The following ZNF710 variants were observed in gnomAD, a reference collection of about 807,000 sequenced individuals.
The protein encoded by ZNF710 is zinc finger protein 710.
In ZNF710, 13 loss-of-function variants were observed where a neutral mutation model predicts 50.6. The ratio of observed to expected loss-of-function variants is 0.26; its 90% CI spans 0.17 to 0.41. The LOEUF is 0.41. Among genes scored for constraint, ZNF710 ranks in the 10% least tolerant of loss-of-function variants. The probability of loss-of-function intolerance (pLI) is 1.00; values close to 1 mark genes in which losing one functional copy is unlikely to be tolerated. For missense variants in ZNF710, 721 were observed against 936.6 expected, an observed-to-expected ratio of 0.77 and a Z score of 3.01; for synonymous variants, 383 against 397.0, an observed-to-expected ratio of 0.96 and a Z score of 0.42.
intron 3 of ZNF710, 58 bp from the exon 4 acceptor site, chr15:90,074,058 G>A (rs1900499151): frequency 1.3e-6 from 2 of 1,558,240 alleles, no homozygotes; most frequent in South Asian, 1.2e-5. Flanking sequence ...GGAGTGGGCT[G>A]GGGTCCGGGG....
chr15:90,000,505 G>C (rs969932909), upstream of ZNF710, among the ~76,000 whole-genome samples: 1 of 152,042 alleles, frequency 6.6e-6, no homozygotes, highest in Non-Finnish European at 1.5e-5. Context: ...CCTGGGCTCG[G>C]GGACCCCGCC....
At chr15:90,030,937 T>C (rs1898923647) in intron 1 of ZNF710, among the ~76,000 whole-genome samples, 1 of 143,600 alleles carries the variant, frequency 7.0e-6, no homozygotes, top group South Asian at 2.2e-4. Flanking sequence ...GAGAATGGCG[T>C]GAACCCGGGA....
intron 4 of ZNF710, among the ~76,000 whole-genome samples, chr15:90,077,683 A>G (rs1470889619): frequency 2.0e-5 from 3 of 152,232 alleles, no homozygotes; most frequent in South Asian, 2.1e-4. Context: ...GAAGACTCAC[A>G]GTGGGTTAGA....
rs375360691 is a variant in ZNF710, at chr15:90,067,671, G to A, written c.534G>A (p.Pro178=). The stretch of plus-strand genomic sequence containing the variant: ...CGCTCCGGCATCTGCCCCGAACCCC[G>A]AGGCCGGAGCTGAACGTGGCCCCAT... ...PRTLRHLPRT[P]RPELNVAPYD... is the part of the protein sequence containing the mutation. Residue 178 remains proline (P), a synonymous_variant, in exon 2 of 5, where the codon CCG becomes CCA. Transcript: ENST00000268154. This position sits in a 1 kb window ranked among gnomAD's most constrained non-coding sequence, Gnocchi z 8.1. 58 of 1,612,828 alleles carry A rather than the reference G, an allele frequency of 3.6e-5. 2 individuals are homozygous for A. The highest frequency in any genetic ancestry group is 6.7e-5 in the East Asian group (3 of 44,876).
chr15:90,059,788 C>T lies in ZNF710; in HGVS notation c.-28-7322C>T, dbSNP rs1395853749. ...ATGTGAGTAGAGTTTCCCTTGAAGC[C>T]TCCTGCGAGGAGGACAACAGGGGAA... On this transcript the variant is annotated intron_variant, in intron 1 of 4. Transcript: ENST00000268154. This position sits in a 1 kb window ranked among gnomAD's most constrained non-coding sequence, Gnocchi z 4.1. 8.5e-5 allele frequency among the ~76,000 whole-genome samples: 13 copies of T among 152,208 alleles called. No individual in the cohort carries two copies. The highest frequency in any genetic ancestry group is 7.2e-4 in the Admixed American group (11 of 15,290).
chr15:90,033,358 A>C (rs1899003984), intron 1 of ZNF710, among the ~76,000 whole-genome samples: 1 of 152,170 alleles, frequency 6.6e-6, no homozygotes, highest in African/African-American at 2.4e-5. Context: ...AAAGGTGGGG[A>C]AAGTTTGCAG....
intron 1 of ZNF710, among the ~76,000 whole-genome samples, chr15:90,011,753 TTTC>T (rs767489024): frequency 2.4e-4 from 37 of 152,344 alleles, no homozygotes; most frequent in South Asian, 6.2e-4. Flanking sequence ...TATTCTTTTT[TTTC>T]TTCTTCTTCT....
rs181467479 is a variant in ZNF710 at position 90,071,801 on chromosome 15, C to T, written c.1459-1270C>T. ...TTAAGCAATTCTACTGCCTCAGCCT[C>T]CTGAGTAGCTGGGATTACAGGCGCA... On this transcript the variant is annotated intron_variant, in intron 2 of 4. Transcript: ENST00000268154. Among the ~76,000 whole-genome samples, 99 of 151,700 alleles carry T rather than the reference C, an allele frequency of 6.5e-4. 2 individuals carry two copies. In the East Asian group the frequency reaches 0.015, roughly 22 times the overall value.
intron 1 of ZNF710, among the ~76,000 whole-genome samples, chr15:90,061,659 G>T (rs570272049): frequency 1.3e-5 from 2 of 152,090 alleles, no homozygotes; most frequent in African/African-American, 4.8e-5. Context: ...GATCCCACCC[G>T]ACCCTCCTCT....
intron 1 of ZNF710, among the ~76,000 whole-genome samples, chr15:90,017,236 G>A (rs1898481077): frequency 6.6e-6 from 1 of 152,188 alleles, no homozygotes. Flanking sequence ...ATTAAAGGGA[G>A]GGAGAGGTGC....
chr15:90,060,493 G>A (rs1484349731), intron 1 of ZNF710, among the ~76,000 whole-genome samples: 1 of 152,072 alleles, frequency 6.6e-6, no homozygotes, highest in Non-Finnish European at 1.5e-5. Context: ...GTTTGAGGCT[G>A]CAGTGAGCTA....
chr15:90,033,811 C>A (rs1448678502), intron 1 of ZNF710, among the ~76,000 whole-genome samples: 3 of 152,198 alleles, frequency 2.0e-5, no homozygotes, highest in Non-Finnish European at 4.4e-5. Flanking sequence ...TAAGAGATGG[C>A]CTTCTGAGTC....
At chr15:90,048,944 G>C (rs1380729423) in intron 1 of ZNF710, among the ~76,000 whole-genome samples, 1 of 152,164 alleles carries the variant, frequency 6.6e-6, no homozygotes, top group Non-Finnish European at 1.5e-5. Context: ...GTGGGACCGG[G>C]TCCATTCCCA....
chr15:90,052,803 C>T (rs897713560), intron 1 of ZNF710, among the ~76,000 whole-genome samples: 2 of 152,166 alleles, frequency 1.3e-5, no homozygotes, highest in African/African-American at 4.8e-5. Context: ...CGTGTTGGCG[C>T]ATGCCTGTAA....
chr15:90,008,436 A>G (rs1267663242), intron 1 of ZNF710, among the ~76,000 whole-genome samples: 2 of 140,502 alleles, frequency 1.4e-5, no homozygotes, highest in Non-Finnish European at 3.0e-5. Flanking sequence ...GTATATATAT[A>G]TATACATATA....
intron 1 of ZNF710, among the ~76,000 whole-genome samples, chr15:90,004,209 G>A (rs1312872090): frequency 6.6e-6 from 1 of 152,172 alleles, no homozygotes; most frequent in Non-Finnish European, 1.5e-5. Context: ...TTGAGTTGGA[G>A]GAAGGGAGAC....
chr15:90,030,329 C>CAAAAAA (rs10685083), intron 1 of ZNF710, among the ~76,000 whole-genome samples: 923 of 50,134 alleles, frequency 0.018, 63 homozygotes, highest in Middle Eastern at 0.029. Context: ...AACTCCATCT[C>CAAAAAA]AAAAAAAAAA....
In ZNF710 at chr15:90,067,837, A is replaced by G. The variant is rs111958730; in HGVS notation, c.700A>G (p.Met234Val). ...CCTGAGTGACCCCGAGGCCCCCAGC[A>G]TGGAGTCCCCGGAGCCTGTCAAGCC... Reference protein sequence around the residue: ...APLSDPEAPSMESPEPVKPEQ... With the variant: ...APLSDPEAPSVESPEPVKPEQ... The change falls in exon 2 of 5, where the codon ATG becomes GTG. Residue 234 changes from methionine (M) to valine (V), a missense_variant. Coordinates refer to ENST00000268154, the MANE Select transcript of ZNF710 (RefSeq NM_198526.4). This position sits in a 1 kb window ranked among gnomAD's most constrained non-coding sequence, Gnocchi z 8.1. The G allele has an allele frequency of 1.9e-6, 3 of 1,593,566 alleles. No individual in the cohort carries two copies. The highest frequency in any genetic ancestry group is 1.7e-6 in the Non-Finnish European group (2 of 1,168,154).
In ZNF710 at chr15:90,080,750, G is replaced by A. The variant is rs1480858521; in HGVS notation, c.*921G>A. 1 of 152,236 alleles carries A rather than the reference G, an allele frequency of 6.6e-6. No homozygotes were observed. 9.4% of individuals were successfully genotyped at this position (152,236 alleles called of 1,614,324 possible). A position where few individuals can be genotyped will look rare whatever the true frequency, so the allele number is the denominator to read the frequency against. ...TCCTCAGTGTCCACCTTGCGACGGG[G>A]ATAGCCACGAGTCAGCAGCTTCCCG... On this transcript the variant is annotated 3_prime_UTR_variant, in exon 5 of 5. Coordinates refer to ENST00000268154, the MANE Select transcript of ZNF710 (RefSeq NM_198526.4).
Sources: gnomAD v4.1 joint callset for allele counts (sites outside exome capture counted in the v4.1 genomes callset) on GRCh38, gnomAD v4.1.1 for gene constraint, Gnocchi (gnomAD v3.1) non-coding constraint, MANE v1.5 for transcripts, NCBI Gene and HGNC (gene_info 2026-07-23, HGNC 2026-07-21) for gene names.